ADARB2: variants seen among roughly 807,000 people sequenced by gnomAD.
ADARB2 encodes the protein inactive double-stranded RNA-specific editase B2.
ADARB2 carries 25 observed loss-of-function variants against 62.2 expected under a neutral mutation model. The ratio of observed to expected loss-of-function variants is 0.40; its 90% CI spans 0.29 to 0.56. The LOEUF is 0.56. Ranked by LOEUF, ADARB2 falls within the 20% of genes least tolerant of loss-of-function variation. ADARB2 has a pLI of 0.43. For missense variants in ADARB2, 1,071 were observed against 1,077.4 expected, an observed-to-expected ratio of 0.99 and a Z score of 0.08; for synonymous variants, 572 against 500.8, an observed-to-expected ratio of 1.14 and a Z score of -1.90.
rs1832278076 is a variant in ADARB2 at position 1,363,246 on chromosome 10, G to T, written c.859C>A (p.Arg287Ser). ...RNPVVLLNRL[R>S]AGLRYVCLAE... Reference sequence around the variant, plus strand: ...AGACACACGTAGCGCAGCCCGGCGCGCAGGCGGTTCAGCAGCACCACGGGG... The same window carrying T: ...AGACACACGTAGCGCAGCCCGGCGCTCAGGCGGTTCAGCAGCACCACGGGG... Residue 287 changes from arginine to serine, a missense_variant, in exon 3 of 10, where the codon CGC (arginine) becomes AGC (serine). Coordinates refer to ENST00000381312, the MANE Select transcript of ADARB2 (RefSeq NM_018702.4). The T allele has an allele frequency of 7.4e-7, 1 of 1,357,936 alleles. No homozygotes were observed. Among genetic ancestry groups the T allele is most frequent in the Non-Finnish European group, 9.5e-7 (1 of 1,051,370 alleles). The allele number at this position is 1,357,936 out of a possible 1,614,324, so 84.1% of individuals were successfully genotyped here. A position where few individuals can be genotyped will look rare whatever the true frequency, so the allele number is the denominator to read the frequency against.
At chr10:1,419,244 C>T (rs1832832786) in intron 1 of ADARB2, among the ~76,000 whole-genome samples, 1 of 152,150 alleles carries the variant, frequency 6.6e-6, no homozygotes, top group African/African-American at 2.4e-5. Context: ...CAGGCACCCG[C>T]CACCACGCCC....
chr10:1,491,062 G>A (rs915742382), intron 1 of ADARB2, among the ~76,000 whole-genome samples: 4 of 152,010 alleles, frequency 2.6e-5, no homozygotes, highest in Admixed American at 2.6e-4. Context: ...TTTTGTTTAT[G>A]TATTTATTTA....
intron 1 of ADARB2, among the ~76,000 whole-genome samples, chr10:1,484,953 C>T (rs1831522130): frequency 6.6e-6 from 1 of 151,494 alleles, no homozygotes; most frequent in Non-Finnish European, 1.5e-5. Flanking sequence ...GAAATGGGTA[C>T]AGATGTAGGT....
chr10:1,698,522 C>T (rs532689972), intron 1 of ADARB2, among the ~76,000 whole-genome samples: 2 of 152,246 alleles, frequency 1.3e-5, no homozygotes, highest in African/African-American at 2.4e-5. Context: ...AGAAAAAATT[C>T]GAACATCCTC....
At chr10:1,646,766 T>C (rs1352668268) in intron 1 of ADARB2, among the ~76,000 whole-genome samples, 1 of 152,222 alleles carries the variant, frequency 6.6e-6, no homozygotes, top group African/African-American at 2.4e-5. Flanking sequence ...AGGGGGTGTG[T>C]GATGTGCTAT....
intron 3 of ADARB2, among the ~76,000 whole-genome samples, chr10:1,288,287 G>A (rs758760104): frequency 1.3e-5 from 2 of 152,200 alleles, no homozygotes; most frequent in African/African-American, 2.4e-5. Flanking sequence ...ATAAGACAAG[G>A]TCCTCTACAT....
intron 4 of ADARB2, among the ~76,000 whole-genome samples, chr10:1,270,613 T>C (rs1831251727): frequency 6.6e-6 from 1 of 152,084 alleles, no homozygotes; most frequent in African/African-American, 2.4e-5. Flanking sequence ...TGGGGAATCT[T>C]GGCAGAAAGG....
At chr10:1,316,641 A>G (rs1296200493) in intron 3 of ADARB2, among the ~76,000 whole-genome samples, 2 of 152,238 alleles carry the variant, frequency 1.3e-5, no homozygotes, top group Non-Finnish European at 2.9e-5. Flanking sequence ...ACAAAACAGC[A>G]CAAAGCCCTG....
chr10:1,366,979 C>T (rs559028557), intron 2 of ADARB2, among the ~76,000 whole-genome samples: 12 of 152,216 alleles, frequency 7.9e-5, no homozygotes, highest in African/African-American at 2.4e-4. Flanking sequence ...GATGTTGACA[C>T]GTGCATCTGC....
intron 6 of ADARB2, among the ~76,000 whole-genome samples, chr10:1,223,496 G>C (rs1191255441): frequency 6.6e-6 from 1 of 152,120 alleles, no homozygotes; most frequent in Non-Finnish European, 1.5e-5. Context: ...TCACTGTCTT[G>C]TGCCAGTTTT....
rs1466106249 is a variant in ADARB2, at chr10:1,363,410, G to A, written c.695C>T (p.Pro232Leu). 9.6e-6 allele frequency: 13 copies of A among 1,355,896 alleles called. No homozygotes were observed. The highest frequency in any genetic ancestry group is 1.9e-4 in the Middle Eastern group (1 of 5,182). The allele number at this position is 1,355,896 out of a possible 1,614,324, so 84.0% of individuals were successfully genotyped here. The change falls in exon 3 of 10, where the codon CCG becomes CTG. Residue 232 changes from proline to leucine, a missense_variant. Physicochemically the swap from Pro to Leu is moderately conservative, Grantham distance 98 (BLOSUM62 -3). Coordinates refer to ENST00000381312, the MANE Select transcript of ADARB2 (RefSeq NM_018702.4). ...GCGGCCTCCCGCGAGTCCGGGGCGC[G>A]GCGCCGGGGGCTCGAACTCCTGGAA... ...TLFQEFEPPAPRPGLAGGRPG... is the reference protein window; with the variant it reads ...TLFQEFEPPALRPGLAGGRPG...
At chr10:1,228,159 T>A (rs1830765096) in intron 6 of ADARB2, among the ~76,000 whole-genome samples, 1 of 152,210 alleles carries the variant, frequency 6.6e-6, no homozygotes, top group Non-Finnish European at 1.5e-5. Flanking sequence ...AGAACAAACG[T>A]ACTAGGCTCA....
chr10:1,361,983 T>C (rs192038323), intron 3 of ADARB2, among the ~76,000 whole-genome samples: 1 of 152,210 alleles, frequency 6.6e-6, no homozygotes, highest in African/African-American at 2.4e-5. Flanking sequence ...ATTCTGAACA[T>C]GATAAGAGAA....
At chr10:1,338,437 T>A (rs957275841) in intron 3 of ADARB2, among the ~76,000 whole-genome samples, 6 of 152,342 alleles carry the variant, frequency 3.9e-5, no homozygotes, top group African/African-American at 1.4e-4. Context: ...CCCTATCATA[T>A]AAAATTCTCA....
At chr10:1,302,497 C>G (rs543191488) in intron 3 of ADARB2, among the ~76,000 whole-genome samples, 5 of 152,148 alleles carry the variant, frequency 3.3e-5, no homozygotes, top group Non-Finnish European at 7.3e-5. Context: ...ACAAAGCAGC[C>G]GGGAAGCTCG....
chr10:1,217,097 G>T lies in ADARB2; in HGVS notation c.1536C>A (p.Val512=). 6.2e-7 allele frequency: 1 copy of T among 1,603,486 alleles called. No homozygotes were observed. The change falls in exon 7 of 10, where the codon GTC becomes GTA. Residue 512 remains valine, a synonymous_variant. Transcript: ENST00000381312. ...TGCGCAGGTGCCCGCGGAACTTCCT[G>T]ACGAGGTGTTTGCTGCTGTGCACTA... ...TTDLHSSKHL[V]RKFRGHLRTK...
intron 3 of ADARB2, among the ~76,000 whole-genome samples, chr10:1,327,998 A>AC (rs1344365823): frequency 5.7e-4 from 87 of 151,426 alleles, no homozygotes; most frequent in African/African-American, 1.1e-3. Context: ...TCCCCACAGC[A>AC]AGGCGCCTCC....
intron 1 of ADARB2, among the ~76,000 whole-genome samples, chr10:1,479,130 C>T (rs1831438148): frequency 6.6e-6 from 1 of 152,234 alleles, no homozygotes; most frequent in Admixed American, 6.5e-5. Context: ...AGGGTGACCT[C>T]TCTGGGTCAA....
intron 1 of ADARB2, among the ~76,000 whole-genome samples, chr10:1,544,954 T>C (rs1463226085): frequency 2.2e-4 from 1 of 4,600 alleles, no homozygotes; most frequent in Non-Finnish European, 2.6e-3. Context: ...AATAGCAAAG[T>C]ATACACACAC....
Sources: allele counts gnomAD v4.1 joint callset (sites outside exome capture counted in the v4.1 genomes callset), GRCh38; gene constraint gnomAD v4.1.1; transcripts MANE v1.5; gene names NCBI Gene and HGNC (gene_info 2026-07-23, HGNC 2026-07-21).